The following LRRC37A2 variants were observed in gnomAD, a reference collection of about 807,000 sequenced individuals.
The protein encoded by LRRC37A2 is leucine rich repeat containing 37 member A2, also known as leucine-rich repeat-containing protein 37A2.
In LRRC37A2, 9 loss-of-function variants were observed where a neutral mutation model predicts 68.8. The observed-to-expected ratio is 0.13, with a 90% CI of 0.08 to 0.23. The LOEUF (loss-of-function observed/expected upper bound fraction) is 0.23, where lower values mean the gene tolerates loss of function less well. Among genes scored for constraint, LRRC37A2 ranks in the 10% least tolerant of loss-of-function variants. The pLI is 1.00. For missense variants in LRRC37A2, 168 were observed against 950.4 expected, an observed-to-expected ratio of 0.18 and a Z score of 10.82; for synonymous variants, 63 against 367.6, an observed-to-expected ratio of 0.17 and a Z score of 9.48.
chr17:46,855,602 T>C, the LRRC37A2 span, among the ~76,000 whole-genome samples: 1 of 152,222 alleles, frequency 6.6e-6, no homozygotes, highest in Non-Finnish European at 1.5e-5. Context: ...GCCTAGGAAT[T>C]CCACAAATGT....
chr17:46,953,253 T>C, the LRRC37A2 span, among the ~76,000 whole-genome samples: 1 of 152,018 alleles, frequency 6.6e-6, no homozygotes, highest in Non-Finnish European at 1.5e-5. Flanking sequence ...TGTGTCCATG[T>C]GTTCTCATTG....
chr17:46,808,416 T>C, the LRRC37A2 span, among the ~76,000 whole-genome samples: 1 of 152,240 alleles, frequency 6.6e-6, no homozygotes, highest in Admixed American at 6.5e-5. Flanking sequence ...AACCATCCTT[T>C]GGGGAACAAA....
the LRRC37A2 span, chr17:46,949,234 C>A: frequency 3.9e-5 from 6 of 152,312 alleles, no homozygotes; most frequent in African/African-American, 1.4e-4. Flanking sequence ...CACACAGTGT[C>A]GCTGGGCACA....
chr17:47,030,092 ATCATCATCATCATC>A, the LRRC37A2 span, among the ~76,000 whole-genome samples: 174 of 74,090 alleles, frequency 2.3e-3, 14 homozygotes, highest in African/African-American at 6.9e-3. Flanking sequence ...AATAATAATC[ATCATCATCATCATC>A]ATCATCATCA....
chr17:46,938,231 G>T, the LRRC37A2 span, among the ~76,000 whole-genome samples: 1 of 151,982 alleles, frequency 6.6e-6, no homozygotes, highest in Admixed American at 6.6e-5. Context: ...TAGCTTTTAT[G>T]TTTAATTCTA....
At chr17:46,714,573 C>T in the LRRC37A2 span, among the ~76,000 whole-genome samples, 1 of 152,196 alleles carries the variant, frequency 6.6e-6, no homozygotes, top group African/African-American at 2.4e-5. Context: ...GAATAGAATC[C>T]TAGAGCTGAA....
the LRRC37A2 span, among the ~76,000 whole-genome samples, chr17:46,708,126 C>T: frequency 6.6e-6 from 1 of 151,806 alleles, no homozygotes; most frequent in Non-Finnish European, 1.5e-5. Flanking sequence ...CACGTTTTGG[C>T]TATTTTGAGT....
At chr17:46,973,999 G>A in the LRRC37A2 span, among the ~76,000 whole-genome samples, 5 of 152,266 alleles carry the variant, frequency 3.3e-5, no homozygotes, top group African/African-American at 4.8e-5. Flanking sequence ...AGCCACAGCC[G>A]TGCACCCCTC....
chr17:46,813,976 G>T, the LRRC37A2 span, among the ~76,000 whole-genome samples: 1 of 152,208 alleles, frequency 6.6e-6, no homozygotes, highest in Non-Finnish European at 1.5e-5. Context: ...CCCTGGTAGG[G>T]CCTGGCTGGG....
At chr17:46,909,254 C>T in the LRRC37A2 span, among the ~76,000 whole-genome samples, 1 of 152,278 alleles carries the variant, frequency 6.6e-6, no homozygotes, top group African/African-American at 2.4e-5. Context: ...TGGTCTTGAA[C>T]TCCTGGGCTC....
chr17:46,975,910 A>AAG, the LRRC37A2 span, among the ~76,000 whole-genome samples: 2 of 152,152 alleles, frequency 1.3e-5, no homozygotes, highest in Non-Finnish European at 2.9e-5. Flanking sequence ...GAAGGAAAGA[A>AAG]AATGATAAAA....
chr17:46,815,130 G>A, the LRRC37A2 span, among the ~76,000 whole-genome samples: 1 of 152,130 alleles, frequency 6.6e-6, no homozygotes, highest in Non-Finnish European at 1.5e-5. Flanking sequence ...GAATGTAGCA[G>A]GTGCTGGGCT....
the LRRC37A2 span, among the ~76,000 whole-genome samples, chr17:46,609,761 G>C: frequency 6.9e-6 from 1 of 144,144 alleles, no homozygotes; most frequent in South Asian, 2.2e-4. Context: ...AAGTCCGTAA[G>C]ATCATGCAGC....
At chr17:46,817,615 G>GC in the LRRC37A2 span, among the ~76,000 whole-genome samples, 3 of 149,258 alleles carry the variant, frequency 2.0e-5, no homozygotes, top group African/African-American at 7.4e-5. Context: ...CCTCACCCAG[G>GC]CCCCCCAGAC....
chr17:46,780,156 G>T, the LRRC37A2 span, among the ~76,000 whole-genome samples: 1 of 152,194 alleles, frequency 6.6e-6, no homozygotes, highest in Admixed American at 6.5e-5. Flanking sequence ...ACACCTAAAG[G>T]CACCCTGTAC....
intron 6 of LRRC37A2, among the ~76,000 whole-genome samples, chr17:46,533,390 C>A (rs1437369073): frequency 5.2e-4 from 57 of 108,880 alleles, no homozygotes; most frequent in Non-Finnish European, 7.4e-4. Context: ...TCTAAAGCTC[C>A]ACTCTCACCC....
At chr17:46,850,912 CAAA>C in the LRRC37A2 span, among the ~76,000 whole-genome samples, 1 of 152,164 alleles carries the variant, frequency 6.6e-6, no homozygotes, top group African/African-American at 2.4e-5. Flanking sequence ...AGCATTTTGT[CAAA>C]AGCCCACGGA....
At chr17:46,938,447 G>C in the LRRC37A2 span, 2 of 1,170,258 alleles carry the variant, frequency 1.7e-6, no homozygotes, top group Admixed American at 1.7e-5. Flanking sequence ...CGACATGAGA[G>C]TGGCTCTATT....
the LRRC37A2 span, among the ~76,000 whole-genome samples, chr17:46,837,330 G>GC: frequency 3.3e-4 from 51 of 152,276 alleles, no homozygotes; most frequent in African/African-American, 7.2e-4. Flanking sequence ...GACAAGGCTG[G>GC]CCTGATAACC....
Sources: gnomAD v4.1 joint callset for allele counts (sites outside exome capture counted in the v4.1 genomes callset) on GRCh38, gnomAD v4.1.1 for gene constraint, MANE v1.5 for transcripts, NCBI Gene and HGNC (gene_info 2026-07-23, HGNC 2026-07-21) for gene names.